ERG: variants seen among roughly 807,000 people sequenced by gnomAD.
ERG encodes ETS transcription factor ERG, also known as transcriptional regulator ERG.
A neutral mutation model predicts 55.3 loss-of-function variants in ERG; 9 were observed. The observed-to-expected ratio is 0.16, with a 90% CI of 0.10 to 0.28. ERG has a LOEUF of 0.28. ERG is among the 10% of genes least tolerant of loss of function. ERG has a pLI of 1.00. For synonymous variants in ERG, 223 were observed against 237.3 expected, an observed-to-expected ratio of 0.94 and a Z score of 0.55; for missense variants, 434 against 631.6, an observed-to-expected ratio of 0.69 and a Z score of 3.35.
intron 1 of ERG, among the ~76,000 whole-genome samples, chr21:38,656,742 A>G (rs2060521504): frequency 6.6e-6 from 1 of 152,230 alleles, no homozygotes; most frequent in African/African-American, 2.4e-5. Flanking sequence ...CTCAAAACTG[A>G]GGTTCAAATG....
chr21:38,532,140 C>T (rs1888473), intron 2 of ERG, among the ~76,000 whole-genome samples: 86,585 of 151,928 alleles, frequency 0.57, 25,757 homozygotes, highest in Non-Finnish European at 0.67. Flanking sequence ...CCAGACGATC[C>T]AAGGTAACAA....
At chr21:38,379,642 GATA>G (rs1317252433), downstream of ERG, among the ~76,000 whole-genome samples, 7 of 152,042 alleles carry the variant, frequency 4.6e-5, no homozygotes, top group Non-Finnish European at 8.8e-5. Flanking sequence ...TTTGTGAGAA[GATA>G]ATGATGTTTT....
intron 1 of ERG, among the ~76,000 whole-genome samples, chr21:38,640,985 T>C (rs1487574850): frequency 6.6e-6 from 1 of 152,144 alleles, no homozygotes; most frequent in African/African-American, 2.4e-5. Flanking sequence ...AATAGAACAG[T>C]GATAAAACAT....
chr21:38,418,713 G>T (rs1246115175), intron 3 of ERG, among the ~76,000 whole-genome samples: 4 of 151,910 alleles, frequency 2.6e-5, no homozygotes, highest in Admixed American at 2.6e-4. Flanking sequence ...GATCACCTGA[G>T]GTCAGGAGTT....
intron 2 of ERG, among the ~76,000 whole-genome samples, chr21:38,428,428 G>A (rs571193526): frequency 1.3e-5 from 2 of 152,290 alleles, no homozygotes; most frequent in Admixed American, 1.3e-4. Context: ...TGCACCAAGC[G>A]CTGCCCAGCA....
chr21:38,647,102 A>T lies in ERG; in HGVS notation c.-150+14556T>A, dbSNP rs1015034715. On this transcript the variant is annotated intron_variant, in intron 1 of 10. Coordinates refer to the ERG transcript ENST00000398910. ...TCTCATACGTGGAAAACATGTGGTCAGCGATTCGGCATGTTTAATGGTGCT... is the reference window on the plus strand; with the variant it reads ...TCTCATACGTGGAAAACATGTGGTCTGCGATTCGGCATGTTTAATGGTGCT... Among the ~76,000 whole-genome samples, 45 of 152,206 alleles carry T rather than the reference A, an allele frequency of 3.0e-4. 1 individual carries two copies. Among genetic ancestry groups the T allele is most frequent in the Admixed American group, 3.3e-4 (5 of 15,286 alleles).
intron 1 of ERG, among the ~76,000 whole-genome samples, chr21:38,656,109 A>C (rs1483695205): frequency 6.6e-6 from 1 of 152,130 alleles, no homozygotes; most frequent in Non-Finnish European, 1.5e-5. Flanking sequence ...AAAGAGAGGA[A>C]TATTACAAAG....
At chr21:38,421,691 T>A (rs559762896) in intron 3 of ERG, among the ~76,000 whole-genome samples, 1 of 152,166 alleles carries the variant, frequency 6.6e-6, no homozygotes, top group Admixed American at 6.5e-5. Flanking sequence ...ACTTGTACAG[T>A]GCAGCTCAGT....
chr21:38,502,400 G>C (rs1568860801), upstream of ERG: 1 of 153,198 alleles, frequency 6.5e-6, no homozygotes, highest in African/African-American at 2.4e-5. Flanking sequence ...CTGTGAACCT[G>C]AGGAATAGAC....
At chr21:38,655,752 GACA>G (rs1036928628) in intron 1 of ERG, among the ~76,000 whole-genome samples, 1 of 152,126 alleles carries the variant, frequency 6.6e-6, no homozygotes, top group Non-Finnish European at 1.5e-5. Flanking sequence ...AGTTTTGGGG[GACA>G]ACAACATGAC....
At chr21:38,431,841 G>C (rs115163773) in intron 2 of ERG, among the ~76,000 whole-genome samples, 1 of 152,164 alleles carries the variant, frequency 6.6e-6, no homozygotes, top group Non-Finnish European at 1.5e-5. Flanking sequence ...ATCCCGCACC[G>C]TGCCAGGCGT....
intron 9 of ERG, among the ~76,000 whole-genome samples, chr21:38,384,547 G>C (rs1340029041): frequency 6.6e-6 from 1 of 152,136 alleles, no homozygotes; most frequent in African/African-American, 2.4e-5. Flanking sequence ...GATCAACCTG[G>C]TGTTTAGGGG....
chr21:38,444,878 T>C (rs1253867079), intron 2 of ERG, among the ~76,000 whole-genome samples: 1 of 152,088 alleles, frequency 6.6e-6, no homozygotes, highest in African/African-American at 2.4e-5. Flanking sequence ...GCTGACACTC[T>C]CCCTTTGTGA....
chr21:38,424,568 T>G (rs988620164), intron 2 of ERG, among the ~76,000 whole-genome samples: 3 of 152,182 alleles, frequency 2.0e-5, no homozygotes, highest in Non-Finnish European at 4.4e-5. Context: ...AGTGAACTGC[T>G]CTTTGTTCTC....
At chr21:38,566,431 T>C (rs2059923499) in intron 2 of ERG, among the ~76,000 whole-genome samples, 1 of 152,188 alleles carries the variant, frequency 6.6e-6, no homozygotes, top group African/African-American at 2.4e-5. Flanking sequence ...TCAGAGACAG[T>C]GATGCCAACC....
intron 1 of ERG, among the ~76,000 whole-genome samples, chr21:38,496,532 G>A (rs2059381002): frequency 1.3e-5 from 2 of 152,100 alleles, no homozygotes; most frequent in African/African-American, 4.8e-5. Context: ...CACCTATAAA[G>A]AGGGCCTATT....
upstream of ERG, among the ~76,000 whole-genome samples, chr21:38,587,316 A>G (rs1274649257): frequency 1.3e-5 from 2 of 150,252 alleles, no homozygotes; most frequent in African/African-American, 4.9e-5. Flanking sequence ...GGGATGGGGG[A>G]GGGGGACGGT....
At chr21:38,571,712 T>A (rs1036305478) in intron 2 of ERG, among the ~76,000 whole-genome samples, 1 of 152,074 alleles carries the variant, frequency 6.6e-6, no homozygotes, top group Non-Finnish European at 1.5e-5. Context: ...TCAAGAATAT[T>A]TTATATTCCA....
At chr21:38,601,651 T>C (rs8133674) in intron 1 of ERG, among the ~76,000 whole-genome samples, 10,905 of 152,152 alleles carry the variant, frequency 0.072, 698 homozygotes, top group African/African-American at 0.17. Flanking sequence ...CACCCATGAG[T>C]GTTACACTCC....
Sources: gnomAD v4.1 joint callset for allele counts (sites outside exome capture counted in the v4.1 genomes callset) on GRCh38, gnomAD v4.1.1 for gene constraint, MANE v1.5 for transcripts, NCBI Gene and HGNC (gene_info 2026-07-23, HGNC 2026-07-21) for gene names.